The following MGA variants were observed in gnomAD, a reference collection of about 807,000 sequenced individuals.
MGA encodes MAX dimerization protein MGA, also known as MAX gene-associated protein.
Under a neutral mutation model 261.1 loss-of-function variants are expected in MGA, and 40 were observed. The ratio of observed to expected loss-of-function variants is 0.15; its 90% CI spans 0.12 to 0.20. MGA has a LOEUF of 0.20. Ranked by LOEUF, MGA falls within the 10% of genes least tolerant of loss-of-function variation. MGA has a pLI of 1.00. For missense variants in MGA, 3,397 were observed against 3,630.5 expected, an observed-to-expected ratio of 0.94 and a Z score of 1.65; for synonymous variants, 1,302 against 1,290.6, an observed-to-expected ratio of 1.01 and a Z score of -0.19.
intron 1 of MGA, among the ~76,000 whole-genome samples, chr15:41,644,566 G>A (rs2056896662): frequency 6.6e-6 from 1 of 151,980 alleles, no homozygotes; most frequent in South Asian, 2.1e-4. Context: ...GCTGAGACAT[G>A]AGAATCACTT....
chr15:41,649,520 G>A (rs888351671), intron 1 of MGA, among the ~76,000 whole-genome samples: 2 of 152,148 alleles, frequency 1.3e-5, no homozygotes, highest in East Asian at 1.9e-4. Context: ...TTTTGACAGC[G>A]TATCATGGTC....
intron 1 of MGA, among the ~76,000 whole-genome samples, chr15:41,649,567 G>C (rs746114830): frequency 6.6e-6 from 1 of 152,172 alleles, no homozygotes; most frequent in South Asian, 2.1e-4. Flanking sequence ...AGGAAGATTT[G>C]ATGATTGACT....
Position 41,669,435 on chromosome 15 carries a change from C to G in MGA, c.541C>G (p.Leu181Val). 1 of 1,613,968 alleles carries G rather than the reference C, an allele frequency of 6.2e-7. No homozygotes were observed. The highest frequency in any genetic ancestry group is 8.5e-7 in the Non-Finnish European group (1 of 1,179,882). Residue 181 changes from leucine to valine, a missense_variant, in exon 2 of 24, where the codon CTT (leucine) becomes GTT (valine). Physicochemically the swap from Leu to Val is conservative, Grantham distance 32 (BLOSUM62 1). Around this residue, in one of 9 missense-constraint regions of MGA, gnomAD observed 104 missense variants for 212.9 expected, o/e 0.49. Transcript: ENST00000219905. ...ACCAGTATCTTTCTATAAACTCAAACTTACCAACAATACACTGGACCAAGA... is the reference window on the plus strand; with the variant it reads ...ACCAGTATCTTTCTATAAACTCAAAGTTACCAACAATACACTGGACCAAGA...
Position 41,750,368 on chromosome 15 carries a change from C to G in MGA, c.6761C>G (p.Ser2254Cys), listed in dbSNP as rs1271930818. Residue 2254 changes from serine (S) to cysteine (C), a missense_variant, in exon 17 of 24, where the codon TCC (serine) becomes TGC (cysteine). Transcript: ENST00000219905. The stretch of plus-strand genomic sequence containing the variant: ...AGGATTTCTAATCCTTCAGCCTTCT[C>G]CATTGTTCCTAGGAGAGCTGCAAAA... The G allele has an allele frequency of 1.2e-6, 2 of 1,613,816 alleles. No homozygotes were observed. The highest frequency in any genetic ancestry group is 1.7e-5 in the Admixed American group (1 of 59,988).
chr15:41,623,341 T>C (rs2056355541), intron 1 of MGA, among the ~76,000 whole-genome samples: 1 of 152,216 alleles, frequency 6.6e-6, no homozygotes, highest in Non-Finnish European at 1.5e-5. Context: ...TCTAGAAATA[T>C]ATAAGGTTAG....
At chr15:41,748,487 C>CGG in intron 15 of MGA, 150 bp from the exon 16 acceptor site, 1 of 776,304 alleles carries the variant, frequency 1.3e-6, no homozygotes, top group South Asian at 1.9e-5. Flanking sequence ...TAGGGAGGTG[C>CGG]GGAGGTTGTA....
chr15:41,663,660 A>G (rs1469476341), intron 1 of MGA, among the ~76,000 whole-genome samples: 2 of 151,774 alleles, frequency 1.3e-5, no homozygotes, highest in Non-Finnish European at 2.9e-5. Flanking sequence ...TTGTAGAGAG[A>G]GGGTTTTGTC....
At chr15:41,733,333 T>C (rs912976997) in intron 11 of MGA, among the ~76,000 whole-genome samples, 5 of 152,186 alleles carry the variant, frequency 3.3e-5, no homozygotes, top group African/African-American at 1.2e-4. Flanking sequence ...CTCTCCTGAT[T>C]AGTGAAAGTG....
At chr15:41,725,925 T>G (rs1567038172) in intron 9 of MGA, among the ~76,000 whole-genome samples, 1 of 152,096 alleles carries the variant, frequency 6.6e-6, no homozygotes, top group South Asian at 2.1e-4. Flanking sequence ...TTAATTTAGT[T>G]AAGTAATCAA....
intron 5 of MGA, among the ~76,000 whole-genome samples, chr15:41,703,368 A>ACC (rs71108121): frequency 0.31 from 28,425 of 92,892 alleles, 7,939 homozygotes; most frequent in East Asian, 0.41. Context: ...TTGTGAAGTT[A>ACC]CCCCCCCCCC....
At position 41,760,431 on chromosome 15, in the gene MGA, C is replaced by A. The variant is rs2063388152; in HGVS notation, c.7300C>A (p.Arg2434=). The change falls in exon 20 of 24, where the codon CGG becomes AGG. Residue 2434 remains arginine, a synonymous_variant. Transcript: ENST00000219905. ...CCGGACACACACTGCCAATGAGCGGCGGCGGCGTGGTGAAATGAGGGATCT... is the reference window on the plus strand; with the variant it reads ...CCGGACACACACTGCCAATGAGCGGAGGCGGCGTGGTGAAATGAGGGATCT... 6.2e-7 allele frequency: 1 copy of A among 1,613,968 alleles called. No homozygotes were observed. Among genetic ancestry groups the A allele is most frequent in the Middle Eastern group, 1.6e-4 (1 of 6,062 alleles).
chr15:41,756,450 A>T (rs772081865), intron 18 of MGA, among the ~76,000 whole-genome samples: 1 of 152,240 alleles, frequency 6.6e-6, no homozygotes, highest in African/African-American at 2.4e-5. Flanking sequence ...GGGAACTCGC[A>T]TACTGCAAGT....
intron 9 of MGA, among the ~76,000 whole-genome samples, chr15:41,714,210 AGAT>A (rs958540421): frequency 6.6e-4 from 101 of 152,294 alleles, no homozygotes; most frequent in African/African-American, 2.2e-3. Context: ...TTTCAATCAG[AGAT>A]GATGATTAAT....
chr15:41,691,541 C>G (rs765745664), intron 2 of MGA: 1 of 345,476 alleles, frequency 2.9e-6, no homozygotes, highest in Non-Finnish European at 6.4e-6. Flanking sequence ...CTTGCCTAAT[C>G]ATCCTGATAG....
intron 1 of MGA, among the ~76,000 whole-genome samples, chr15:41,649,243 A>C (rs556146815): frequency 2.9e-4 from 44 of 152,134 alleles, no homozygotes; most frequent in African/African-American, 1.0e-3. Context: ...TTAGCTGGTC[A>C]TGGTGGCAGG....
chr15:41,696,017 A>G, intron 2 of MGA, 58 bp from the exon 3 acceptor site: 1 of 1,219,904 alleles, frequency 8.2e-7, no homozygotes, highest in Non-Finnish European at 1.1e-6. Flanking sequence ...TTTCTCTTCA[A>G]GTCTTGTTAA....
chr15:41,763,691 T>C (rs2063628722), intron 22 of MGA, among the ~76,000 whole-genome samples: 1 of 151,882 alleles, frequency 6.6e-6, no homozygotes, highest in Non-Finnish European at 1.5e-5. Context: ...TGTGGTGAGC[T>C]GAGATCACAC....
At position 41,749,595 on chromosome 15, in the gene MGA, A is replaced by G; in HGVS notation, c.5988A>G (p.Ser1996=). 1 of 1,613,890 alleles carries G rather than the reference A, an allele frequency of 6.2e-7. No homozygotes were observed. Among genetic ancestry groups the G allele is most frequent in the East Asian group, 2.2e-5 (1 of 44,886 alleles). The change falls in exon 17 of 24, where the codon TCA becomes TCG. Residue 1996 remains serine, a synonymous_variant. Transcript: ENST00000219905. ...AAGAAACGAAGAAGGTTCTACAGTCAGAAGGAGAGGCTGTAGACCCTGAGG... is the reference window on the plus strand; with the variant it reads ...AAGAAACGAAGAAGGTTCTACAGTCGGAAGGAGAGGCTGTAGACCCTGAGG...
intron 1 of MGA, among the ~76,000 whole-genome samples, chr15:41,651,313 C>A (rs7173779): frequency 6.6e-6 from 1 of 152,008 alleles, no homozygotes; most frequent in Non-Finnish European, 1.5e-5. Context: ...GATCTTACTT[C>A]GTTTTAATTT....
Sources: gnomAD v4.1 joint callset for allele counts (sites outside exome capture counted in the v4.1 genomes callset) on GRCh38, gnomAD v4.1.1 for gene constraint, gnomAD v4.1.1 regional missense constraint, MANE v1.5 for transcripts, NCBI Gene and HGNC (gene_info 2026-07-23, HGNC 2026-07-21) for gene names.